The following MCPH1 variants were observed in gnomAD, a reference collection of about 807,000 sequenced individuals.
The protein encoded by MCPH1 is microcephalin 1.
A neutral mutation model predicts 84.5 loss-of-function variants in MCPH1; 104 were observed. That is an observed-to-expected ratio of 1.23 (90% CI 1.05 to 1.45). The LOEUF is 1.45. Among genes scored for constraint, MCPH1 ranks in the 40% most tolerant of loss-of-function variants. The probability of loss-of-function intolerance (pLI) is 0.00; values close to 1 mark genes in which losing one functional copy is unlikely to be tolerated. For synonymous variants in MCPH1, 514 were observed against 366.8 expected (o/e 1.40, Z -4.58); for missense variants, 1,498 against 1,005.7 (o/e 1.49, Z -6.62).
intron 12 of MCPH1, among the ~76,000 whole-genome samples, chr8:6,569,843 T>G (rs1173685325): frequency 6.6e-6 from 1 of 152,186 alleles, no homozygotes; most frequent in Non-Finnish European, 1.5e-5. Context: ...CAGAAGCCAT[T>G]TCACTGCCAG....
rs1373806496 is a variant in MCPH1, at chr8:6,647,738, T to C, written c.*4689T>C. 6.6e-6 allele frequency: 1 copy of C among 152,196 alleles called. No individual in the cohort carries two copies. The highest frequency in any genetic ancestry group is 2.4e-5 in the African/African-American group (1 of 41,448). The allele number at this position is 152,196 out of a possible 1,614,324, so 9.4% of individuals were successfully genotyped here. On this transcript the variant is annotated 3_prime_UTR_variant, in exon 14 of 14. Coordinates refer to ENST00000344683, the MANE Select transcript of MCPH1 (RefSeq NM_024596.5). ...ACTGTAGAGGCACGAAACAGATTCA[T>C]GGTCTGCTGCAGCTGGGGATGGGAG...
chr8:6,637,300 G>C (rs113300786), intron 13 of MCPH1, among the ~76,000 whole-genome samples: 2 of 152,188 alleles, frequency 1.3e-5, no homozygotes, highest in African/African-American at 4.8e-5. Context: ...GGTGAGTATA[G>C]AGAGGAGGAG....
At chr8:6,627,694 C>T (rs1481680038) in intron 13 of MCPH1, among the ~76,000 whole-genome samples, 1 of 151,950 alleles carries the variant, frequency 6.6e-6, no homozygotes, top group East Asian at 1.9e-4. Context: ...AGCTCGAGTC[C>T]AGCCTGGGCA....
In MCPH1 at chr8:6,499,847, T is replaced by G; in HGVS notation, c.2137-5T>G. 1 of 1,612,664 alleles carries G rather than the reference T, an allele frequency of 6.2e-7. No homozygotes were observed. Among genetic ancestry groups the G allele is most frequent in the Non-Finnish European group, 8.5e-7 (1 of 1,179,638 alleles). On this transcript the variant is annotated splice_polypyrimidine_tract_variant and splice_region_variant and intron_variant, in intron 11 of 13. Coordinates refer to ENST00000344683, the MANE Select transcript of MCPH1 (RefSeq NM_024596.5). Reference sequence around the variant, plus strand: ...TAATAAATCTGCTTGTTGTGTCACTTGCAGGTGCTATGGTCTTTAGAATTG... The same window carrying G: ...TAATAAATCTGCTTGTTGTGTCACTGGCAGGTGCTATGGTCTTTAGAATTG...
rs2916716 is a variant in MCPH1, at chr8:6,499,714, A to T, written c.2137-138A>T. ...TATGCAACATGAAGATTCTGAAGGG[A>T]CTTTGTTGTCTGAGAACACATCTAT... On this transcript the variant is annotated intron_variant, in intron 11 of 13. Transcript: ENST00000344683. 0.29 allele frequency: 207,512 copies of T among 723,324 alleles called. 33,836 individuals are homozygous for T. The highest frequency in any genetic ancestry group is 0.37 in the Middle Eastern group (993 of 2,698). 44.8% of individuals were successfully genotyped at this position (723,324 alleles called of 1,614,324 possible). A position where few individuals can be genotyped will look rare whatever the true frequency, so the allele number is the denominator to read the frequency against.
intron 12 of MCPH1, among the ~76,000 whole-genome samples, chr8:6,557,383 G>A (rs1311495780): frequency 6.6e-6 from 1 of 152,190 alleles, no homozygotes; most frequent in Non-Finnish European, 1.5e-5. Context: ...TGTGGAAAGT[G>A]CTTTAAGGTG....
intron 3 of MCPH1, 106 bp downstream of exon 3, chr8:6,414,989 T>G (rs920882861): frequency 3.5e-6 from 4 of 1,145,256 alleles, no homozygotes; most frequent in East Asian, 5.2e-5. Flanking sequence ...ATTTTCATCT[T>G]TTCTCTGCCT....
intron 12 of MCPH1, among the ~76,000 whole-genome samples, chr8:6,612,029 A>G (rs945378490): frequency 1.3e-5 from 2 of 152,142 alleles, no homozygotes; most frequent in Non-Finnish European, 2.9e-5. Flanking sequence ...TCAACCCTCC[A>G]AAGATTGGGC....
chr8:6,521,990 A>G (rs1817432250), intron 12 of MCPH1, among the ~76,000 whole-genome samples: 1 of 152,200 alleles, frequency 6.6e-6, no homozygotes, highest in South Asian at 2.1e-4. Context: ...CTATGCGTTA[A>G]TGTCCTCACC....
At chr8:6,415,418 G>T (rs559766242) in intron 3 of MCPH1, among the ~76,000 whole-genome samples, 15 of 151,926 alleles carry the variant, frequency 9.9e-5, no homozygotes, top group African/African-American at 3.4e-4. Flanking sequence ...CTCCCAAGTA[G>T]CTGGGATTCA....
chr8:6,611,775 C>A (rs368250233), intron 12 of MCPH1, among the ~76,000 whole-genome samples: 117 of 152,332 alleles, frequency 7.7e-4, no homozygotes, highest in African/African-American at 2.5e-3. Flanking sequence ...TCCGCCACCA[C>A]GCCCGGCTAA....
intron 12 of MCPH1, among the ~76,000 whole-genome samples, chr8:6,522,853 A>C (rs1483723974): frequency 6.6e-6 from 1 of 152,118 alleles, no homozygotes; most frequent in Non-Finnish European, 1.5e-5. Flanking sequence ...TGGCAGGGGC[A>C]GAATACAATC....
chr8:6,480,785 C>T lies in MCPH1; in HGVS notation c.2045C>T (p.Thr682Ile). The change falls in exon 11 of 14, where the codon ACC (threonine) becomes ATC (isoleucine). Residue 682 changes from threonine (T) to isoleucine (I), a missense_variant. Thr to Ile is a moderately conservative substitution (Grantham distance 89). Transcript: ENST00000344683. Reference protein sequence around the residue: ...GFSIAPDVCETTTHVLSGKPL... With the variant: ...GFSIAPDVCEITTHVLSGKPL... ...TCAATTGCACCAGACGTCTGTGAGA[C>T]CACGACTCACGTGCTTTCCGGGAAG... 6.2e-7 allele frequency: 1 copy of T among 1,614,054 alleles called. No individual in the cohort carries two copies. The highest frequency in any genetic ancestry group is 8.5e-7 in the Non-Finnish European group (1 of 1,180,002).
rs182237264 is a variant in MCPH1, at chr8:6,484,569, C to T, written c.2136+3693C>T. 4.7e-4 allele frequency among the ~76,000 whole-genome samples: 71 copies of T among 152,304 alleles called. 1 individual carries two copies. In the East Asian group the frequency reaches 0.01, roughly 22 times the overall value. On this transcript the variant is annotated intron_variant, in intron 11 of 13. Transcript: ENST00000344683. ...CTTGTGTTCACACAGAGTCTGTACG[C>T]GAATATTTGTAGCAGCCTTACTTAT...
At chr8:6,465,812 T>C (rs958418240) in intron 9 of MCPH1, among the ~76,000 whole-genome samples, 1 of 152,218 alleles carries the variant, frequency 6.6e-6, no homozygotes, top group East Asian at 1.9e-4. Flanking sequence ...TGCACAGCTG[T>C]ACGTATTTGT....
chr8:6,432,445 A>G (rs1801986132), intron 4 of MCPH1, among the ~76,000 whole-genome samples: 1 of 152,240 alleles, frequency 6.6e-6, no homozygotes, highest in South Asian at 2.1e-4. Context: ...TACAGAGGGC[A>G]AACTGTAGAG....
At chr8:6,625,160 C>T (rs920853055) in intron 13 of MCPH1, 2 of 984,348 alleles carry the variant, frequency 2.0e-6, no homozygotes, top group Non-Finnish European at 2.4e-6. Flanking sequence ...CAGGCGTGAG[C>T]CACCGTGCCT....
chr8:6,535,790 G>T (rs183192969), intron 12 of MCPH1, among the ~76,000 whole-genome samples: 142 of 152,214 alleles, frequency 9.3e-4, no homozygotes, highest in African/African-American at 3.2e-3. Context: ...GCTCATGCCT[G>T]TAATCCCAGC....
chr8:6,517,889 C>A (rs977404259), intron 12 of MCPH1, among the ~76,000 whole-genome samples: 3 of 152,114 alleles, frequency 2.0e-5, no homozygotes, highest in African/African-American at 7.2e-5. Flanking sequence ...CAATTGACAC[C>A]ACTTATTTTT....
Sources: allele counts gnomAD v4.1 joint callset (sites outside exome capture counted in the v4.1 genomes callset), GRCh38; gene constraint gnomAD v4.1.1; transcripts MANE v1.5; gene names NCBI Gene and HGNC (gene_info 2026-07-23, HGNC 2026-07-21).